REG3G: variants seen among roughly 807,000 people sequenced by gnomAD.
The protein encoded by REG3G is regenerating islet-derived protein 3-gamma.
Under a neutral mutation model 20.9 loss-of-function variants are expected in REG3G, and 19 were observed. The observed-to-expected ratio is 0.91, with a 90% CI of 0.64 to 1.34. REG3G has a LOEUF of 1.34. Among genes scored for constraint, REG3G ranks in the 40% most tolerant of loss-of-function variants. REG3G has a pLI of 0.00. For synonymous variants in REG3G, 89 were observed against 77.4 expected (o/e 1.15, Z -0.79); for missense variants, 235 against 205.0 (o/e 1.15, Z -0.89).
At position 79,026,809 on chromosome 2, in the gene REG3G, C is replaced by T. The variant is rs1399831241; in HGVS notation, c.173C>T (p.Pro58Leu). The change falls in exon 3 of 6, where the codon CCA becomes CTA. Residue 58 changes from proline to leucine, a missense_variant. By Grantham distance (98) the Pro-to-Leu change is moderately conservative (BLOSUM62 -3). Transcript: ENST00000272324. The part of the protein sequence containing the change: ...GSPCYALFLS[P>L]KSWMDADLAC... Reference sequence around the variant, plus strand: ...CCCTGCTATGCCTTGTTTTTGTCACCAAAATCCTGGATGGATGCAGATGTG... The same window carrying T: ...CCCTGCTATGCCTTGTTTTTGTCACTAAAATCCTGGATGGATGCAGATGTG... 4 of 1,612,688 alleles carry T rather than the reference C, an allele frequency of 2.5e-6. No individual in the cohort carries two copies. Among genetic ancestry groups the T allele is most frequent in the African/African-American group, 2.7e-5 (2 of 74,390 alleles).
At position 79,025,720 on chromosome 2, in the gene REG3G, TA is replaced by T. The variant is rs2103962073; in HGVS notation, c.-159del. 1 of 184,912 alleles carries T rather than the reference TA, an allele frequency of 5.4e-6. No individual in the cohort carries two copies. Among genetic ancestry groups the T allele is most frequent in the South Asian group, 1.4e-4 (1 of 7,330 alleles). The allele number at this position is 184,912 out of a possible 1,614,324, so 11.5% of individuals were successfully genotyped here. On this transcript the variant is annotated 5_prime_UTR_variant, in exon 1 of 6. Coordinates refer to ENST00000272324, the MANE Select transcript of REG3G (RefSeq NM_001008387.3). Reference sequence around the variant, plus strand: ...AGTGACCATCCCTGAGATCTTTTTATAAAAAACCCAGTCTTTGCTGACCAGA... The same window carrying T: ...AGTGACCATCCCTGAGATCTTTTTATAAAAACCCAGTCTTTGCTGACCAGA...
At position 79,026,288 on chromosome 2, in the gene REG3G, G is replaced by A. The variant is rs1279069735; in HGVS notation, c.76+119G>A. ...GTGGTGTCTAATGAAACTGCCTGCAGTTCCTGCATCATCACTCCTTCCTTC... is the reference window on the plus strand; with the variant it reads ...GTGGTGTCTAATGAAACTGCCTGCAATTCCTGCATCATCACTCCTTCCTTC... On this transcript the variant is annotated intron_variant, in intron 2 of 5. Coordinates refer to ENST00000272324, the MANE Select transcript of REG3G (RefSeq NM_001008387.3). 7.3e-6 allele frequency: 7 copies of A among 960,604 alleles called. No individual in the cohort carries two copies. In the African/African-American group the frequency reaches 8.0e-5, roughly 11 times the overall value. The allele number at this position is 960,604 out of a possible 1,614,324, so 59.5% of individuals were successfully genotyped here.
At chr2:79,026,290 T>A in intron 2 of REG3G, 121 bp downstream of exon 2, 1 of 915,872 alleles carries the variant, frequency 1.1e-6, no homozygotes, top group Non-Finnish European at 1.7e-6. Context: ...TGCCTGCAGT[T>A]CCTGCATCAT....
chr2:79,028,027 A>AAG, intron 5 of REG3G, 94 bp downstream of exon 5: 3 of 1,513,268 alleles, frequency 2.0e-6, no homozygotes, highest in Non-Finnish European at 2.7e-6. Context: ...TAGGTAATGC[A>AAG]GTGTTTATGT....
Position 79,026,653 on chromosome 2 carries a change from G to T in REG3G, c.77-60G>T, listed in dbSNP as rs1671626178. 3 of 1,356,522 alleles carry T rather than the reference G, an allele frequency of 2.2e-6. No homozygotes were observed. In the Admixed American group the frequency reaches 5.5e-5, roughly 25 times the overall value. 84.0% of individuals were successfully genotyped at this position (1,356,522 alleles called of 1,614,324 possible). ...AAGGGCAGACCTAGATATTCCCCAA[G>T]GTCATCTCCCACCCACCCCCTACTC... On this transcript the variant is annotated intron_variant, in intron 2 of 5. Transcript: ENST00000272324.
In REG3G at chr2:79,026,889, G is replaced by A. The variant is rs1176967415; in HGVS notation, c.195+58G>A. ...GGGGAAAGTCCATGCAGGTCTCAGG[G>A]GGAGGAGGGTCTCCTTCAGGAGAGT... is the stretch of plus-strand genomic sequence containing the variant. On this transcript the variant is annotated intron_variant, in intron 3 of 5. Coordinates refer to ENST00000272324, the MANE Select transcript of REG3G (RefSeq NM_001008387.3). 5.5e-6 allele frequency: 7 copies of A among 1,274,804 alleles called. No individual in the cohort carries two copies. The African/African-American group carries it at 7.8e-5, about 14-fold the overall frequency. 79.0% of individuals were successfully genotyped at this position (1,274,804 alleles called of 1,614,324 possible).
At position 79,026,097 on chromosome 2, in the gene REG3G, C is replaced by T. The variant is rs1028260326; in HGVS notation, c.4C>T (p.Leu2=). 6.2e-6 allele frequency: 10 copies of T among 1,613,842 alleles called. No homozygotes were observed. The highest frequency in any genetic ancestry group is 8.5e-6 in the Non-Finnish European group (10 of 1,179,868). The part of the protein sequence containing the change: M[L]PPMALPSVSW... ...GCCTCCTCAAGTCGCAGACACTATG[C>T]TGCCTCCCATGGCCCTGCCCAGTGT... Residue 2 remains leucine (L), a synonymous_variant, in exon 2 of 6, where the codon CTG becomes TTG. Transcript: ENST00000272324.
Position 79,025,966 on chromosome 2 carries a change from G to A in REG3G, c.-111-17G>A. On this transcript the variant is annotated splice_polypyrimidine_tract_variant and intron_variant, in intron 1 of 5. Coordinates refer to ENST00000272324, the MANE Select transcript of REG3G (RefSeq NM_001008387.3). ...CAGAACTGTAGAAGATGATGAATGT[G>A]ACCAAGATCACTTCAGTCCTAGGGG... 1.2e-6 allele frequency: 1 copy of A among 839,318 alleles called. No individual in the cohort carries two copies. Among genetic ancestry groups the A allele is most frequent in the South Asian group, 1.6e-5 (1 of 62,488 alleles). 52.0% of individuals were successfully genotyped at this position (839,318 alleles called of 1,614,324 possible). A position where few individuals can be genotyped will look rare whatever the true frequency, so the allele number is the denominator to read the frequency against.
intron 4 of REG3G, 84 bp from the exon 5 acceptor site, chr2:79,027,723 G>C: frequency 6.6e-7 from 1 of 1,511,284 alleles, no homozygotes; most frequent in Admixed American, 1.8e-5. Context: ...TGCTGGGGAG[G>C]AATCAGGTGT....
At chr2:79,025,911 A>T (rs1671605730) in intron 1 of REG3G, 72 bp from the exon 2 acceptor site, 2 of 610,392 alleles carry the variant, frequency 3.3e-6, no homozygotes, top group East Asian at 2.9e-5. Flanking sequence ...GGTCTCAGGG[A>T]TGGGTGAGTA....
rs199881592 is a variant in REG3G at position 79,027,050 on chromosome 2, G to C, written c.212G>C (p.Arg71Pro). The C allele has an allele frequency of 8.7e-6, 14 of 1,613,912 alleles. No individual in the cohort carries two copies. The highest frequency in any genetic ancestry group is 1.1e-5 in the South Asian group (1 of 91,076). Residue 71 changes from arginine (R) to proline (P), a missense_variant, in exon 4 of 6, where the codon CGG (arginine) becomes CCG (proline). Physicochemically the swap from Arg to Pro is moderately radical, Grantham distance 103 (BLOSUM62 -2). Coordinates refer to ENST00000272324, the MANE Select transcript of REG3G (RefSeq NM_001008387.3). ...WMDADLACQKRPSGKLVSVLS... is the reference protein window; with the variant it reads ...WMDADLACQKPPSGKLVSVLS... ...CCCTCAAAGCTGGCTTGCCAGAAGC[G>C]GCCCTCTGGAAAACTGGTGTCTGTG...
chr2:79,025,891 T>G, intron 1 of REG3G, 92 bp from the exon 2 acceptor site: 1 of 570,070 alleles, frequency 1.8e-6, no homozygotes, highest in South Asian at 2.1e-5. Flanking sequence ...TCAGCAAGGC[T>G]GTACTGGGAG....
chr2:79,027,595 T>C (rs1386024463), intron 4 of REG3G, among the ~76,000 whole-genome samples: 1 of 152,206 alleles, frequency 6.6e-6, no homozygotes, highest in East Asian at 1.9e-4. Context: ...CCTTGAGTGA[T>C]TCCAAAGTTC....
intron 5 of REG3G, 125 bp downstream of exon 5, chr2:79,028,058 A>G (rs1671670978): frequency 6.0e-6 from 8 of 1,324,644 alleles, no homozygotes; most frequent in Non-Finnish European, 7.5e-6. Flanking sequence ...GTCTCCTCTC[A>G]TCTCTGCCTT....
intron 2 of REG3G, chr2:79,026,473 T>C (rs1036736812): frequency 1.7e-6 from 1 of 595,916 alleles, no homozygotes; most frequent in African/African-American, 1.9e-5. Flanking sequence ...AATATAGAGA[T>C]AGCCCACAGT....
rs1671606996 is a variant in REG3G, at chr2:79,025,977, C to G, written c.-111-6C>G. 1 of 932,930 alleles carries G rather than the reference C, an allele frequency of 1.1e-6. No homozygotes were observed. The highest frequency in any genetic ancestry group is 2.1e-5 in the Admixed American group (1 of 48,356). The allele number at this position is 932,930 out of a possible 1,614,324, so 57.8% of individuals were successfully genotyped here. Reference sequence around the variant, plus strand: ...AAGATGATGAATGTGACCAAGATCACTTCAGTCCTAGGGGACTACAGAAGG... The same window carrying G: ...AAGATGATGAATGTGACCAAGATCAGTTCAGTCCTAGGGGACTACAGAAGG... On this transcript the variant is annotated splice_region_variant and splice_polypyrimidine_tract_variant and intron_variant, in intron 1 of 5. Coordinates refer to ENST00000272324, the MANE Select transcript of REG3G (RefSeq NM_001008387.3).
Position 79,028,426 on chromosome 2 carries a change from C to T in REG3G, c.*150C>T. 1.7e-6 allele frequency: 1 copy of T among 574,660 alleles called. No homozygotes were observed. The highest frequency in any genetic ancestry group is 2.3e-5 in the South Asian group (1 of 43,474). 35.6% of individuals were successfully genotyped at this position (574,660 alleles called of 1,614,324 possible). A position where few individuals can be genotyped will look rare whatever the true frequency, so the allele number is the denominator to read the frequency against. On this transcript the variant is annotated 3_prime_UTR_variant, in exon 6 of 6. Coordinates refer to ENST00000272324, the MANE Select transcript of REG3G (RefSeq NM_001008387.3). ...ATCCTCCTTCTTTTTCCTTTTTCTT[C>T]ACCTTCATTTCAGGCTTTTCTCTGT...
intron 5 of REG3G, 108 bp downstream of exon 5, chr2:79,028,041 T>G (rs1427796616): frequency 1.4e-6 from 2 of 1,417,120 alleles, no homozygotes; most frequent in Non-Finnish European, 2.0e-6. Context: ...TTTATGTGCC[T>G]TCTCCCGTCT....
rs751260419 is a variant in REG3G at position 79,028,191 on chromosome 2, T to C, written c.461-18T>C. 6.3e-7 allele frequency: 1 copy of C among 1,590,462 alleles called. No individual in the cohort carries two copies. Among genetic ancestry groups the C allele is most frequent in the East Asian group, 2.2e-5 (1 of 44,726 alleles). On this transcript the variant is annotated intron_variant, in intron 5 of 5. Coordinates refer to ENST00000272324, the MANE Select transcript of REG3G (RefSeq NM_001008387.3). The stretch of plus-strand genomic sequence containing the variant: ...CAAGTTCCCCCAGCCCCATGCCTTT[T>C]ATATTCTGTCTCCCTAGGATTTCTG...
Sources: gnomAD v4.1 joint callset for allele counts (sites outside exome capture counted in the v4.1 genomes callset) on GRCh38, gnomAD v4.1.1 for gene constraint, MANE v1.5 for transcripts, NCBI Gene and HGNC (gene_info 2026-07-23, HGNC 2026-07-21) for gene names.